CCDC85A: variants seen among roughly 807,000 people sequenced by gnomAD.
CCDC85A encodes the protein coiled-coil domain containing 85A, also known as coiled-coil domain-containing protein 85A.
A neutral mutation model predicts 50.2 loss-of-function variants in CCDC85A; 38 were observed. The observed-to-expected ratio is 0.76, with a 90% CI of 0.58 to 0.99. The LOEUF (loss-of-function observed/expected upper bound fraction) is 0.99. Ranked by LOEUF, CCDC85A falls within the 50% of genes least tolerant of loss-of-function variation. The pLI, the probability that CCDC85A is intolerant of heterozygous loss-of-function variation, is 0.00. For synonymous variants in CCDC85A, 366 were observed against 301.4 expected, an observed-to-expected ratio of 1.21 and a Z score of -2.22; for missense variants, 820 against 742.0, an observed-to-expected ratio of 1.11 and a Z score of -1.22.
chr2:56,261,011 G>A (rs1180625141), intron 2 of CCDC85A, among the ~76,000 whole-genome samples: 1 of 152,206 alleles, frequency 6.6e-6, no homozygotes, highest in African/African-American at 2.4e-5. Context: ...TTAAAGACAT[G>A]AAAACTGTCT....
At chr2:56,365,397 C>A (rs768567873) in intron 3 of CCDC85A, among the ~76,000 whole-genome samples, 1 of 152,146 alleles carries the variant, frequency 6.6e-6, no homozygotes, top group African/African-American at 2.4e-5. Flanking sequence ...AGCAGTTCAT[C>A]TGTATCAGTT....
At chr2:56,212,746 C>A (rs756035982) in intron 2 of CCDC85A, among the ~76,000 whole-genome samples, 1 of 151,968 alleles carries the variant, frequency 6.6e-6, no homozygotes, top group African/African-American at 2.4e-5. Flanking sequence ...AAAATCCTAT[C>A]AGAAATCACC....
At chr2:56,200,013 C>G (rs910364948) in intron 2 of CCDC85A, among the ~76,000 whole-genome samples, 1 of 152,184 alleles carries the variant, frequency 6.6e-6, no homozygotes, top group Non-Finnish European at 1.5e-5. Flanking sequence ...GGATTACAGG[C>G]GCACACCACC....
chr2:56,354,892 C>T (rs1280613367), intron 3 of CCDC85A, among the ~76,000 whole-genome samples: 1 of 152,088 alleles, frequency 6.6e-6, no homozygotes, highest in African/African-American at 2.4e-5. Context: ...GAAAAACAGC[C>T]CAGCCACAAT....
intron 2 of CCDC85A, among the ~76,000 whole-genome samples, chr2:56,233,315 C>T (rs1668855816): frequency 6.6e-6 from 1 of 152,164 alleles, no homozygotes; most frequent in South Asian, 2.1e-4. Flanking sequence ...TTTCTTACTC[C>T]AGAGCTTGTT....
chr2:56,291,792 T>A (rs964569565), intron 2 of CCDC85A, among the ~76,000 whole-genome samples: 1 of 94,264 alleles, frequency 1.1e-5, no homozygotes, highest in Non-Finnish European at 2.2e-5. Context: ...TTTTTTTTTT[T>A]AGACTTTTAG....
chr2:56,374,736 G>C (rs1676250414), intron 4 of CCDC85A, among the ~76,000 whole-genome samples: 1 of 152,196 alleles, frequency 6.6e-6, no homozygotes, highest in African/African-American at 2.4e-5. Context: ...TTAAGCCCCG[G>C]AGTTGAAGGC....
chr2:56,372,346 C>T lies in CCDC85A; in HGVS notation c.1320C>T (p.Ala440=). ...TACCATATTGTTCCAAATATAAGGC[C>T]AGCCAGAATAGAAGGCAACCTCCAA... The part of the protein sequence containing the change: ...LEEENRMLPQ[A]SQNRRQPPTR... The change falls in exon 4 of 6, where the codon GCC becomes GCT. Residue 440 remains alanine (A), a splice_region_variant and synonymous_variant. Coordinates refer to ENST00000407595, the MANE Select transcript of CCDC85A (RefSeq NM_001080433.2). 1.3e-6 allele frequency: 2 copies of T among 1,571,764 alleles called. No homozygotes were observed.
At position 56,193,240 on chromosome 2, in the gene CCDC85A, G is replaced by A. The variant is rs544016155; in HGVS notation, c.1040G>A (p.Ser347Asn). Reference protein sequence around the residue: ...EHLQKHALGGSLEHLPRARGT... With the variant: ...EHLQKHALGGNLEHLPRARGT... ...CTTCAGAAACACGCTCTTGGGGGGA[G>A]CCTAGAGCATCTCCCCAGAGCCAGG... Residue 347 changes from serine to asparagine, a missense_variant, in exon 2 of 6, where the codon AGC becomes AAC. Ser to Asn is a conservative substitution (Grantham distance 46, BLOSUM62 1). Coordinates refer to ENST00000407595, the MANE Select transcript of CCDC85A (RefSeq NM_001080433.2). 21 of 1,612,244 alleles carry A rather than the reference G, an allele frequency of 1.3e-5. No individual in the cohort carries two copies. The highest frequency in any genetic ancestry group is 1.7e-5 in the Non-Finnish European group (20 of 1,179,420).
chr2:56,377,840 A>T (rs1252226364), intron 5 of CCDC85A, among the ~76,000 whole-genome samples: 1 of 151,486 alleles, frequency 6.6e-6, no homozygotes, highest in Non-Finnish European at 1.5e-5. Context: ...GTGAGCCGAG[A>T]TCGTGCCATT....
At chr2:56,260,467 A>C (rs541074821) in intron 2 of CCDC85A, among the ~76,000 whole-genome samples, 2 of 152,360 alleles carry the variant, frequency 1.3e-5, no homozygotes, top group Admixed American at 1.3e-4. Context: ...AATTTATTCA[A>C]GTCTGGGCTT....
chr2:56,356,731 GAA>G (rs1553416778), intron 3 of CCDC85A, among the ~76,000 whole-genome samples: 1 of 104,358 alleles, frequency 9.6e-6, no homozygotes, highest in Non-Finnish European at 2.0e-5. Flanking sequence ...CCATCTCAAG[GAA>G]AAAAAAAAAA....
chr2:56,263,302 G>C (rs924229859), intron 2 of CCDC85A, among the ~76,000 whole-genome samples: 1 of 152,194 alleles, frequency 6.6e-6, no homozygotes, highest in African/African-American at 2.4e-5. Context: ...GTGTTCATAA[G>C]TAATAAAACT....
intron 2 of CCDC85A, among the ~76,000 whole-genome samples, chr2:56,224,326 T>A (rs537628328): frequency 9.1e-4 from 138 of 152,358 alleles, no homozygotes; most frequent in Middle Eastern, 6.8e-3. Context: ...ACTAATATAT[T>A]GTATGCATAT....
chr2:56,277,211 G>A lies in CCDC85A; in HGVS notation c.1241-65668G>A, dbSNP rs140884280. Among the ~76,000 whole-genome samples the A allele has an allele frequency of 4.7e-3, 711 of 152,200 alleles. 8 individuals carry two copies. Among genetic ancestry groups the A allele is most frequent in the African/African-American group, 0.016 (661 of 41,516 alleles). ...GGAAGTTTCTACCTATGCCTTTTAT[G>A]TCTGTTTTCTAATAATTAGGAAGTG... is the stretch of plus-strand genomic sequence containing the variant. On this transcript the variant is annotated intron_variant, in intron 2 of 5. Transcript: ENST00000407595.
intron 2 of CCDC85A, among the ~76,000 whole-genome samples, chr2:56,292,285 G>A (rs1030275618): frequency 3.9e-5 from 6 of 152,020 alleles, no homozygotes; most frequent in African/African-American, 1.4e-4. Flanking sequence ...GGGTTTCACC[G>A]TGTTAGCCAG....
intron 2 of CCDC85A, among the ~76,000 whole-genome samples, chr2:56,237,281 T>C (rs1290243772): frequency 6.6e-6 from 1 of 152,208 alleles, no homozygotes; most frequent in African/African-American, 2.4e-5. Flanking sequence ...AATCTACTAG[T>C]AATTCACCAA....
At chr2:56,341,985 TTC>T (rs1276140055) in intron 2 of CCDC85A, among the ~76,000 whole-genome samples, 3 of 126,406 alleles carry the variant, frequency 2.4e-5, no homozygotes, top group East Asian at 2.5e-4. Flanking sequence ...TTGTTTTATT[TTC>T]TGTTTTTTTT....
intron 2 of CCDC85A, among the ~76,000 whole-genome samples, chr2:56,288,029 C>T (rs1205767836): frequency 6.6e-6 from 1 of 152,086 alleles, no homozygotes; most frequent in Non-Finnish European, 1.5e-5. Flanking sequence ...TTCTCAGAGG[C>T]TCCTTTACAG....
Sources: gnomAD v4.1 joint callset for allele counts (sites outside exome capture counted in the v4.1 genomes callset) on GRCh38, gnomAD v4.1.1 for gene constraint, MANE v1.5 for transcripts, NCBI Gene and HGNC (gene_info 2026-07-23, HGNC 2026-07-21) for gene names.